CDH13: variants seen among roughly 807,000 people sequenced by gnomAD.
The protein encoded by CDH13 is cadherin-13.
CDH13 carries 24 observed loss-of-function variants against 63.8 expected under a neutral mutation model. That is an observed-to-expected ratio of 0.38 (90% CI 0.27 to 0.53). The LOEUF is 0.53. CDH13 is among the 20% of genes least tolerant of loss of function. The pLI, the probability that CDH13 is intolerant of heterozygous loss-of-function variation, is 0.85. For synonymous variants in CDH13, 503 were observed against 355.3 expected, an observed-to-expected ratio of 1.42 and a Z score of -4.67; for missense variants, 1,049 against 903.1, an observed-to-expected ratio of 1.16 and a Z score of -2.07.
intron 7 of CDH13, among the ~76,000 whole-genome samples, chr16:83,530,682 A>G (rs1042718672): frequency 6.6e-6 from 1 of 152,184 alleles, no homozygotes; most frequent in Admixed American, 6.5e-5. Flanking sequence ...AATTCATCTC[A>G]TTAACTTCCT....
At chr16:82,693,548 AC>A (rs2029893121) in intron 1 of CDH13, among the ~76,000 whole-genome samples, 1 of 152,086 alleles carries the variant, frequency 6.6e-6, no homozygotes, top group South Asian at 2.1e-4. Flanking sequence ...TGCATAAAGG[AC>A]CCCCATTTTC....
intron 1 of CDH13, among the ~76,000 whole-genome samples, chr16:82,656,847 T>G (rs1236151093): frequency 6.6e-6 from 1 of 152,192 alleles, no homozygotes; most frequent in African/African-American, 2.4e-5. Flanking sequence ...ATGTAGCCTT[T>G]TCAAATTAGC....
intron 2 of CDH13, among the ~76,000 whole-genome samples, chr16:83,001,240 C>T (rs574355648): frequency 8.5e-5 from 13 of 152,218 alleles, no homozygotes; most frequent in Admixed American, 1.3e-4. Flanking sequence ...ACGTTTGCTT[C>T]GCAATTCCAT....
intron 1 of CDH13, among the ~76,000 whole-genome samples, chr16:82,764,667 GA>G (rs2034982510): frequency 6.6e-6 from 1 of 152,310 alleles, no homozygotes; most frequent in South Asian, 2.1e-4. Flanking sequence ...ATACATGAAG[GA>G]CACGAATAAA....
intron 1 of CDH13, among the ~76,000 whole-genome samples, chr16:82,799,352 G>A (rs767885556): frequency 1.3e-5 from 2 of 152,104 alleles, no homozygotes; most frequent in Non-Finnish European, 2.9e-5. Context: ...ATCCCCACTT[G>A]GACTACAAAT....
chr16:83,674,638 G>A (rs60160987), intron 9 of CDH13, among the ~76,000 whole-genome samples: 11,390 of 152,222 alleles, frequency 0.075, 693 homozygotes, highest in African/African-American at 0.17. Flanking sequence ...TAACCAGTTA[G>A]CAATCCAACA....
chr16:83,381,785 C>G (rs981766390), intron 6 of CDH13, among the ~76,000 whole-genome samples: 1 of 151,486 alleles, frequency 6.6e-6, no homozygotes, highest in African/African-American at 2.4e-5. Context: ...GGGTATTTTT[C>G]AACTGAATGC....
chr16:83,273,153 T>C (rs1309109558), intron 5 of CDH13, among the ~76,000 whole-genome samples: 1 of 151,960 alleles, frequency 6.6e-6, no homozygotes, highest in East Asian at 1.9e-4. Context: ...TCAAGCAAAA[T>C]GGCTCTAAAA....
At chr16:82,941,704 A>T (rs758646739) in intron 2 of CDH13, among the ~76,000 whole-genome samples, 6 of 152,058 alleles carry the variant, frequency 3.9e-5, no homozygotes, top group Non-Finnish European at 8.8e-5. Context: ...TCTATCTCTA[A>T]CCACCTCCGA....
At chr16:83,247,838 T>G (rs2151821637) in intron 5 of CDH13, among the ~76,000 whole-genome samples, 1 of 152,302 alleles carries the variant, frequency 6.6e-6, no homozygotes, top group East Asian at 1.9e-4. Context: ...TATCATCTAG[T>G]GAGTCAGAGG....
At chr16:83,351,719 AG>A (rs1195715839) in intron 6 of CDH13, among the ~76,000 whole-genome samples, 4 of 152,184 alleles carry the variant, frequency 2.6e-5, no homozygotes, top group African/African-American at 9.7e-5. Context: ...CAATTTCTAT[AG>A]GATATATTTA....
At chr16:82,728,380 G>T (rs897048327) in intron 1 of CDH13, among the ~76,000 whole-genome samples, 1 of 152,010 alleles carries the variant, frequency 6.6e-6, no homozygotes, top group African/African-American at 2.4e-5. Context: ...ACACCTCAGA[G>T]ATATTGCAGG....
intron 5 of CDH13, among the ~76,000 whole-genome samples, chr16:83,258,327 C>T (rs141293137): frequency 6.6e-6 from 1 of 152,242 alleles, no homozygotes; most frequent in African/African-American, 2.4e-5. Flanking sequence ...TTGGAAATGG[C>T]CTGCTTTAAC....
intron 3 of CDH13, among the ~76,000 whole-genome samples, chr16:83,039,366 A>C (rs1465600358): frequency 3.9e-5 from 6 of 152,096 alleles, no homozygotes; most frequent in Non-Finnish European, 7.4e-5. Context: ...CTCATCTCTA[A>C]GTGGCTTGAC....
At chr16:82,634,755 C>T (rs759061562) in intron 1 of CDH13, among the ~76,000 whole-genome samples, 5 of 152,172 alleles carry the variant, frequency 3.3e-5, no homozygotes, top group East Asian at 1.9e-4. Flanking sequence ...GGCTTCTGGG[C>T]GTCTTCTCAA....
rs972476523 is a variant in CDH13, at chr16:83,217,389, T to G, written c.528T>G (p.Thr176=). The change falls in exon 5 of 14, where the codon ACT becomes ACG. Residue 176 remains threonine, a synonymous_variant. Transcript: ENST00000567109. ...CAGAAAGGTCCAAGTTCCGGCTCACTGGAAAGGGAGTGGATCAAGAGCCTA... is the reference window on the plus strand; with the variant it reads ...CAGAAAGGTCCAAGTTCCGGCTCACGGGAAAGGGAGTGGATCAAGAGCCTA... ...DRPERSKFRL[T]GKGVDQEPKG... is the part of the protein sequence containing the mutation. 25 of 1,613,748 alleles carry G rather than the reference T, an allele frequency of 1.5e-5. No homozygotes were observed. Among genetic ancestry groups the G allele is most frequent in the Non-Finnish European group, 1.9e-5 (22 of 1,179,814 alleles).
At chr16:83,487,157 C>T (rs945131207) in intron 7 of CDH13, among the ~76,000 whole-genome samples, 13 of 152,194 alleles carry the variant, frequency 8.5e-5, no homozygotes. Flanking sequence ...TCCCTTTAGG[C>T]TTTCTCCGTG....
chr16:83,221,150 A>G (rs1470137064), intron 5 of CDH13, among the ~76,000 whole-genome samples: 1 of 152,184 alleles, frequency 6.6e-6, no homozygotes, highest in East Asian at 1.9e-4. Flanking sequence ...TTCCTATTTT[A>G]TCCCCAGCTA....
chr16:83,487,819 G>A (rs901685936), intron 7 of CDH13, among the ~76,000 whole-genome samples: 3 of 152,144 alleles, frequency 2.0e-5, no homozygotes, highest in Non-Finnish European at 2.9e-5. Context: ...TCCATGGTTC[G>A]GAGTGTTGTT....
Sources: gnomAD v4.1 joint callset for allele counts (sites outside exome capture counted in the v4.1 genomes callset) on GRCh38, gnomAD v4.1.1 for gene constraint, MANE v1.5 for transcripts, NCBI Gene and HGNC (gene_info 2026-07-23, HGNC 2026-07-21) for gene names.